DEPDC5: variants seen among roughly 807,000 people sequenced by gnomAD.
DEPDC5 encodes the protein DEP domain containing 5, GATOR1 subcomplex subunit, also known as GATOR1 complex protein DEPDC5.
Under a neutral mutation model 217.3 loss-of-function variants are expected in DEPDC5, and 73 were observed. The ratio of observed to expected loss-of-function variants is 0.34; its 90% CI spans 0.28 to 0.41. The LOEUF is 0.41. Among genes scored for constraint, DEPDC5 ranks in the 10% least tolerant of loss-of-function variants. DEPDC5 has a pLI of 1.00. For synonymous variants in DEPDC5, 733 were observed against 756.7 expected (o/e 0.97, Z 0.51); for missense variants, 1,675 against 2,070.1 (o/e 0.81, Z 3.70).
chr22:31,800,037 G>A (rs948184396), intron 14 of DEPDC5, among the ~76,000 whole-genome samples: 2 of 151,832 alleles, frequency 1.3e-5, no homozygotes, highest in East Asian at 1.9e-4. Context: ...TCCTGACCTC[G>A]TGATCCGCCC....
intron 24 of DEPDC5, among the ~76,000 whole-genome samples, chr22:31,826,061 C>A (rs574202761): frequency 3.9e-4 from 59 of 152,004 alleles, no homozygotes; most frequent in African/African-American, 1.4e-3. Context: ...GGCTGGAGTG[C>A]AGTGGTGCGA....
chr22:31,799,519 G>A (rs1442175049), intron 14 of DEPDC5, among the ~76,000 whole-genome samples: 1 of 135,474 alleles, frequency 7.4e-6, no homozygotes, highest in African/African-American at 2.8e-5. Context: ...GTGTCGCTTT[G>A]TCATCCAGGC....
chr22:31,818,235 A>G (rs886283008), intron 21 of DEPDC5, among the ~76,000 whole-genome samples: 4 of 152,126 alleles, frequency 2.6e-5, no homozygotes, highest in Admixed American at 1.3e-4. Flanking sequence ...TTGCCTGGTC[A>G]AGGCTGGAGG....
chr22:31,905,523 C>T (rs750536172), intron 41 of DEPDC5, among the ~76,000 whole-genome samples: 3 of 151,672 alleles, frequency 2.0e-5, no homozygotes, highest in Admixed American at 6.6e-5. Context: ...TGGATAGCCT[C>T]GAGTATGCGG....
intron 32 of DEPDC5, among the ~76,000 whole-genome samples, chr22:31,860,059 A>C (rs1296906963): frequency 1.3e-5 from 2 of 152,198 alleles, no homozygotes; most frequent in East Asian, 1.9e-4. Flanking sequence ...TATAGTCGCA[A>C]ATATATTAGA....
chr22:31,783,913 T>C lies in DEPDC5; in HGVS notation c.490T>C (p.Phe164Leu). The C allele has an allele frequency of 6.2e-7, 1 of 1,612,320 alleles. No homozygotes were observed. Among genetic ancestry groups the C allele is most frequent in the Non-Finnish European group, 8.5e-7 (1 of 1,179,482 alleles). The part of the protein sequence containing the change: ...GYISEDTRVV[F>L]RSTSAMVYIF... The stretch of plus-strand genomic sequence containing the variant: ...AATTGTGTTTTTATTTCAGGTGGTG[T>C]TTCGTTCTACGTCGGCTATGGTTTA... The change falls in exon 9 of 43, where the codon TTT becomes CTT. Residue 164 changes from phenylalanine to leucine, a missense_variant. Physicochemically the swap from Phe to Leu is conservative, Grantham distance 22. Around this residue, in one of 11 missense-constraint regions of DEPDC5, gnomAD observed 628 missense variants for 762.1 expected, o/e 0.82. Transcript: ENST00000651528.
At chr22:31,801,050 T>G (rs1263417719) in intron 14 of DEPDC5, among the ~76,000 whole-genome samples, 1 of 151,920 alleles carries the variant, frequency 6.6e-6, no homozygotes, top group South Asian at 2.1e-4. Flanking sequence ...ACCAGCACTT[T>G]CGGAGGCTTA....
chr22:31,845,863 CT>C (rs113308736), intron 30 of DEPDC5, among the ~76,000 whole-genome samples: 205 of 138,170 alleles, frequency 1.5e-3, no homozygotes, highest in Admixed American at 1.6e-3. Context: ...TCATGCTAGT[CT>C]TTTTTTTTTT....
chr22:31,857,424 A>G, intron 31 of DEPDC5, 21 bp from the exon 32 acceptor site: 1 of 1,577,734 alleles, frequency 6.3e-7, no homozygotes, highest in Non-Finnish European at 8.6e-7. Context: ...AGCTGCTGTC[A>G]TGTGCTTTTC....
Position 31,819,059 on chromosome 22 carries a change from C to G in DEPDC5, c.1704C>G (p.Asp568Glu), listed in dbSNP as rs1236432902. The G allele has an allele frequency of 5.6e-6, 9 of 1,614,094 alleles. No individual in the cohort carries two copies. Among genetic ancestry groups the G allele is most frequent in the Non-Finnish European group, 7.6e-6 (9 of 1,180,040 alleles). Residue 568 changes from aspartate (D) to glutamate (E), a missense_variant, in exon 22 of 43, where the codon GAC (aspartate) becomes GAG (glutamate). Physicochemically the swap from Asp to Glu is conservative, Grantham distance 45. Transcript: ENST00000651528. ...ACATGATGGAGCCACCACAGCGAGA[C>G]TCCAGTGCACCAGGGAGGTTTCACG... ...LENMMEPPQRDSSAPGRFHVG... is the reference protein window; with the variant it reads ...LENMMEPPQRESSAPGRFHVG...
chr22:31,864,647 G>T (rs1262841887), intron 33 of DEPDC5, among the ~76,000 whole-genome samples: 1 of 151,310 alleles, frequency 6.6e-6, no homozygotes, highest in Non-Finnish European at 1.5e-5. Context: ...ATGCGTGGTG[G>T]CTCAAGCCTA....
At chr22:31,842,957 C>T in intron 27 of DEPDC5, 138 bp from the exon 28 acceptor site, 2 of 672,778 alleles carry the variant, frequency 3.0e-6, no homozygotes, top group South Asian at 2.5e-5. Context: ...TTTTTTTAAC[C>T]AAGAATAACT....
intron 37 of DEPDC5, among the ~76,000 whole-genome samples, chr22:31,879,093 T>C (rs527924044): frequency 3.1e-4 from 42 of 135,162 alleles, no homozygotes; most frequent in African/African-American, 5.7e-4. Flanking sequence ...TATATATATA[T>C]ACACATATAT....
At chr22:31,845,863 CTT>C (rs113308736) in intron 30 of DEPDC5, among the ~76,000 whole-genome samples, 9 of 138,288 alleles carry the variant, frequency 6.5e-5, no homozygotes, top group Non-Finnish European at 7.9e-5. Context: ...TCATGCTAGT[CTT>C]TTTTTTTTTT....
Position 31,906,623 on chromosome 22 carries a change from G to T in DEPDC5, c.*126G>T. 8.9e-6 allele frequency: 11 copies of T among 1,231,836 alleles called. No individual in the cohort carries two copies. Among genetic ancestry groups the T allele is most frequent in the Non-Finnish European group, 1.2e-5 (11 of 886,640 alleles). The allele number at this position is 1,231,836 out of a possible 1,614,324, so 76.3% of individuals were successfully genotyped here. On this transcript the variant is annotated 3_prime_UTR_variant, in exon 43 of 43. Transcript: ENST00000651528. The surrounding 1 kb of genome is among the most constrained non-coding windows in gnomAD (Gnocchi z 5.1). ...CTGCTATCAGTGAGTGGGGGCCATT[G>T]TTTTTTGTTTGTTTGTTTGTTTGTT...
At chr22:31,767,185 A>G (rs1001903309) in intron 6 of DEPDC5, among the ~76,000 whole-genome samples, 1 of 151,720 alleles carries the variant, frequency 6.6e-6, no homozygotes, top group Non-Finnish European at 1.5e-5. Flanking sequence ...TCTTTCCCCA[A>G]GCTGGAGTGA....
chr22:31,823,631 G>A (rs112331615), intron 24 of DEPDC5, among the ~76,000 whole-genome samples: 11 of 152,112 alleles, frequency 7.2e-5, no homozygotes, highest in East Asian at 3.8e-4. Context: ...GTTTCAGTGC[G>A]GGTGGGGGAA....
chr22:31,827,606 C>T lies in DEPDC5; in HGVS notation c.2104+4816C>T, dbSNP rs1330019973. ...TTCTCTGCACAAAATTTTCCAAGGG[C>T]TTCCCAGCTCACTTGGAGTAAAAGC... On this transcript the variant is annotated intron_variant, in intron 24 of 42. Coordinates refer to ENST00000651528, the MANE Select transcript of DEPDC5 (RefSeq NM_001242896.3). 2.0e-5 allele frequency among the ~76,000 whole-genome samples: 3 copies of T among 152,330 alleles called. No individual in the cohort carries two copies. In the South Asian group the frequency reaches 6.2e-4, roughly 32 times the overall value.
intron 21 of DEPDC5, chr22:31,815,916 C>A: frequency 9.8e-7 from 1 of 1,022,834 alleles, no homozygotes; most frequent in Non-Finnish European, 1.2e-6. Flanking sequence ...GAAAGCTTTT[C>A]TTAGGCCTAG....
Sources: allele counts gnomAD v4.1 joint callset (sites outside exome capture counted in the v4.1 genomes callset), GRCh38; gene constraint gnomAD v4.1.1; regional missense constraint gnomAD v4.1.1; non-coding constraint Gnocchi (gnomAD v3.1); transcripts MANE v1.5; gene names NCBI Gene and HGNC (gene_info 2026-07-23, HGNC 2026-07-21).